FAM135B: variants seen among roughly 807,000 people sequenced by gnomAD.
FAM135B encodes family with sequence similarity 135 member B, also known as protein FAM135B.
In FAM135B, 43 loss-of-function variants were observed where a neutral mutation model predicts 127.7. That is an observed-to-expected ratio of 0.34 (90% CI 0.26 to 0.43). The LOEUF (loss-of-function observed/expected upper bound fraction) is 0.43, where lower values mean the gene tolerates loss of function less well. Among genes scored for constraint, FAM135B ranks in the 20% least tolerant of loss-of-function variants. The pLI is 1.00. For missense variants in FAM135B, 1,558 were observed against 1,725.6 expected, an observed-to-expected ratio of 0.90 and a Z score of 1.72; for synonymous variants, 670 against 665.1, an observed-to-expected ratio of 1.01 and a Z score of -0.11.
At chr8:138,165,850 C>T (rs1672073197) in intron 12 of FAM135B, among the ~76,000 whole-genome samples, 1 of 152,188 alleles carries the variant, frequency 6.6e-6, no homozygotes, top group Non-Finnish European at 1.5e-5. Context: ...CTGCCATACA[C>T]TATACTGACA....
chr8:138,163,915 A>T (rs1276537510), intron 12 of FAM135B, among the ~76,000 whole-genome samples: 1 of 152,164 alleles, frequency 6.6e-6, no homozygotes, highest in African/African-American at 2.4e-5. Context: ...TGTAGCCTCA[A>T]ACTCCTGGGC....
intron 3 of FAM135B, among the ~76,000 whole-genome samples, chr8:138,298,792 G>T (rs1022807015): frequency 1.3e-5 from 2 of 152,036 alleles, no homozygotes. Context: ...TATTCCCAAG[G>T]AACACACAAT....
intron 1 of FAM135B, among the ~76,000 whole-genome samples, chr8:138,375,759 G>A (rs1392859539): frequency 2.0e-5 from 3 of 152,120 alleles, no homozygotes; most frequent in Admixed American, 2.0e-4. Flanking sequence ...CCAGAATGGT[G>A]TATTCAAAGA....
In FAM135B at chr8:138,242,849, G is replaced by C. The variant is rs1820936214; in HGVS notation, c.669+93C>G. 6.8e-7 allele frequency: 1 copy of C among 1,475,662 alleles called. No homozygotes were observed. The highest frequency in any genetic ancestry group is 1.4e-5 in the South Asian group (1 of 69,608). The allele number at this position is 1,475,662 out of a possible 1,614,324, so 91.4% of individuals were successfully genotyped here. On this transcript the variant is annotated intron_variant, in intron 7 of 19. Transcript: ENST00000395297. The surrounding 1 kb of genome is among the most constrained non-coding windows in gnomAD (Gnocchi z 9.6). ...GTCAAATTAGCAAAAATCTCTGAAG[G>C]GGATGTTTCAAAGAAGCATGAATCT...
In FAM135B at chr8:138,257,963, T is replaced by C. The variant is rs182482565; in HGVS notation, c.298-1204A>G. 3.3e-5 allele frequency among the ~76,000 whole-genome samples: 5 copies of C among 152,210 alleles called. No individual in the cohort carries two copies. In the South Asian group the frequency reaches 8.3e-4, roughly 25 times the overall value. On this transcript the variant is annotated intron_variant, in intron 4 of 19. Transcript: ENST00000395297. ...GCTGGGCTGGCATTTAGAAACTCAT[T>C]TGGAAACTGTTCAGATCAGGTAATT...
intron 1 of FAM135B, among the ~76,000 whole-genome samples, chr8:138,390,402 C>A (rs1832489893): frequency 6.6e-6 from 1 of 152,170 alleles, no homozygotes; most frequent in South Asian, 2.1e-4. Flanking sequence ...TGTCTGCCGT[C>A]ATGTAAGATG....
intron 1 of FAM135B, among the ~76,000 whole-genome samples, chr8:138,404,525 T>C (rs1248672736): frequency 6.6e-6 from 1 of 152,222 alleles, no homozygotes; most frequent in Non-Finnish European, 1.5e-5. Flanking sequence ...TAGCATGTGA[T>C]AGCATGCTTG....
chr8:138,255,719 G>A (rs1325513741), intron 5 of FAM135B, among the ~76,000 whole-genome samples: 2 of 152,194 alleles, frequency 1.3e-5, no homozygotes, highest in African/African-American at 4.8e-5. Context: ...GATAACTGCA[G>A]GGATGGGGCT....
In FAM135B at chr8:138,242,613, T is replaced by C. The variant is rs1261831726; in HGVS notation, c.669+329A>G. Among the ~76,000 whole-genome samples, 3 of 152,150 alleles carry C rather than the reference T, an allele frequency of 2.0e-5. No homozygotes were observed. The highest frequency in any genetic ancestry group is 4.4e-5 in the Non-Finnish European group (3 of 68,042). Reference sequence around the variant, plus strand: ...GGGAGCCAGGTTTTGAAACCAGACATGGCCTTCAACGTTATCACATAGTCT... The same window carrying C: ...GGGAGCCAGGTTTTGAAACCAGACACGGCCTTCAACGTTATCACATAGTCT... On this transcript the variant is annotated intron_variant, in intron 7 of 19. Transcript: ENST00000395297. The surrounding 1 kb of genome is among the most constrained non-coding windows in gnomAD (Gnocchi z 9.6).
intron 7 of FAM135B, among the ~76,000 whole-genome samples, chr8:138,204,199 C>A (rs1817379738): frequency 6.6e-6 from 1 of 152,172 alleles, no homozygotes; most frequent in Non-Finnish European, 1.5e-5. Context: ...TTGTTTTCCT[C>A]CAGAGCTTTA....
At chr8:138,258,824 C>CACACAA (rs1822318965) in intron 4 of FAM135B, among the ~76,000 whole-genome samples, 1 of 124,570 alleles carries the variant, frequency 8.0e-6, no homozygotes, top group East Asian at 2.7e-4. Context: ...CACACACACA[C>CACACAA]ACACACACAC....
At chr8:138,312,790 T>C (rs1321671475) in intron 2 of FAM135B, among the ~76,000 whole-genome samples, 2 of 152,116 alleles carry the variant, frequency 1.3e-5, no homozygotes, top group Non-Finnish European at 2.9e-5. Flanking sequence ...CAGGCTTCCA[T>C]CCCTAACAGA....
chr8:138,470,205 G>A (rs1837602852), intron 1 of FAM135B, among the ~76,000 whole-genome samples: 1 of 152,112 alleles, frequency 6.6e-6, no homozygotes, highest in South Asian at 2.1e-4. Flanking sequence ...CAAAACTTTA[G>A]AGAAATGTCT....
intron 1 of FAM135B, among the ~76,000 whole-genome samples, chr8:138,420,130 T>C (rs1034559950): frequency 6.6e-6 from 1 of 151,970 alleles, no homozygotes; most frequent in Non-Finnish European, 1.5e-5. Flanking sequence ...AAGATACACA[T>C]AATCATAATT....
intron 1 of FAM135B, among the ~76,000 whole-genome samples, chr8:138,414,153 A>C (rs1034522847): frequency 1.6e-4 from 17 of 104,838 alleles, no homozygotes; most frequent in African/African-American, 6.0e-4. Context: ...CAAAAAATAT[A>C]TAAGAAGCTC....
chr8:138,483,236 T>C (rs1296288289), intron 1 of FAM135B, among the ~76,000 whole-genome samples: 3 of 152,228 alleles, frequency 2.0e-5, no homozygotes, highest in African/African-American at 7.2e-5. Context: ...AACAAAAATT[T>C]GAAGGAGGCA....
intron 3 of FAM135B, among the ~76,000 whole-genome samples, chr8:138,305,955 GTA>G (rs1348471728): frequency 6.6e-6 from 1 of 152,088 alleles, no homozygotes; most frequent in Non-Finnish European, 1.5e-5. Flanking sequence ...GTTTGTGTGT[GTA>G]TATGTTATGT....
At chr8:138,370,844 C>A (rs78349551) in intron 1 of FAM135B, among the ~76,000 whole-genome samples, 1,695 of 152,250 alleles carry the variant, frequency 0.011, 22 homozygotes, top group Middle Eastern at 0.027. Flanking sequence ...TGTCTTGGTC[C>A]CAACCTTCTC....
chr8:138,163,267 C>A (rs1429734396), intron 12 of FAM135B, among the ~76,000 whole-genome samples: 1 of 152,180 alleles, frequency 6.6e-6, no homozygotes, highest in African/African-American at 2.4e-5. Flanking sequence ...ACCAGACAAT[C>A]TGACAATCTG....
Sources: gnomAD v4.1 joint callset for allele counts (sites outside exome capture counted in the v4.1 genomes callset) on GRCh38, gnomAD v4.1.1 for gene constraint, Gnocchi (gnomAD v3.1) non-coding constraint, MANE v1.5 for transcripts, NCBI Gene and HGNC (gene_info 2026-07-23, HGNC 2026-07-21) for gene names.